Variants in MGAM observed in about 807,000 individuals in gnomAD.
The protein encoded by MGAM is alpha-1,4-glucosidase.
In MGAM, 253 loss-of-function variants were observed where a neutral mutation model predicts 358.8. That is an observed-to-expected ratio of 0.71 (90% CI 0.64 to 0.78). MGAM has a LOEUF of 0.78. Ranked by LOEUF, MGAM falls within the 30% of genes least tolerant of loss-of-function variation. MGAM has a pLI of 0.00. For missense variants in MGAM, 3,080 were observed against 3,432.6 expected, an observed-to-expected ratio of 0.90 and a Z score of 2.57; for synonymous variants, 1,105 against 1,227.1, an observed-to-expected ratio of 0.90 and a Z score of 2.08.
In MGAM at chr7:142,050,712, A is replaced by C; in HGVS notation, c.2653A>C (p.Asn885His). The C allele has an allele frequency of 6.2e-7, 1 of 1,613,590 alleles. No homozygotes were observed. Among genetic ancestry groups the C allele is most frequent in the Non-Finnish European group, 8.5e-7 (1 of 1,179,668 alleles). The change falls in exon 24 of 71, where the codon AAT becomes CAT. Residue 885 changes from asparagine to histidine, a missense_variant. Physicochemically the swap from Asn to His is moderately conservative, Grantham distance 68 (BLOSUM62 1). Coordinates refer to ENST00000475668, the MANE Select transcript of MGAM (RefSeq NM_001365693.1). ...TGTTTTGCAGAACCGCTTGGAGGTG[A>C]ATATTTCACAATCAACCTACAAGGA... ...FSVTQNRLEV[N>H]ISQSTYKDPN...
intron 7 of MGAM, among the ~76,000 whole-genome samples, chr7:142,023,234 G>A (rs1806626805): frequency 6.6e-6 from 1 of 151,298 alleles, no homozygotes; most frequent in Admixed American, 6.6e-5. Flanking sequence ...CCAAATTTTT[G>A]TATTTTTTTT....
In MGAM at chr7:142,088,996, G is replaced by GTATGTATGTATGTATATATCTATC. The variant is rs771119657; in HGVS notation, c.6810+2282_6810+2283insGTATGTATGTATATATCTATCTAT. On this transcript the variant is annotated intron_variant, in intron 57 of 70. Transcript: ENST00000475668. ...TGTATGTATGTATGTATGTATGTAT[G>GTATGTATGTATGTATATATCTATC]TATCTATCTATCTATCTATCTATCT... 4.2e-4 allele frequency among the ~76,000 whole-genome samples: 49 copies of GTATGTATGTATGTATATATCTATC among 118,046 alleles called. 3 individuals carry two copies. Among genetic ancestry groups the GTATGTATGTATGTATATATCTATC allele is most frequent in the African/African-American group, 1.4e-3 (48 of 34,592 alleles). 77.4% of individuals were successfully genotyped at this position (118,046 alleles called of 152,430 possible).
chr7:142,015,258 T>G (rs1259342876), intron 3 of MGAM, among the ~76,000 whole-genome samples: 4 of 152,140 alleles, frequency 2.6e-5, no homozygotes, highest in African/African-American at 4.8e-5. Flanking sequence ...TCCCGTTTGT[T>G]CATTCATGTG....
chr7:142,003,572 G>T (rs1554451390), intron 1 of MGAM, among the ~76,000 whole-genome samples: 2 of 152,002 alleles, frequency 1.3e-5, no homozygotes, highest in African/African-American at 4.8e-5. Flanking sequence ...AGGCTTAAAT[G>T]TAAGACCTGA....
At chr7:142,035,387 A>C (rs1807893863) in intron 16 of MGAM, among the ~76,000 whole-genome samples, 1 of 152,168 alleles carries the variant, frequency 6.6e-6, no homozygotes, top group African/African-American at 2.4e-5. Flanking sequence ...GTAAACAAAT[A>C]ATTGTGACAA....
chr7:142,103,302 T>C lies in MGAM; in HGVS notation c.8047T>C (p.Tyr2683His). 1 of 1,611,468 alleles carries C rather than the reference T, an allele frequency of 6.2e-7. No individual in the cohort carries two copies. Among genetic ancestry groups the C allele is most frequent in the Non-Finnish European group, 8.5e-7 (1 of 1,178,930 alleles). The change falls in exon 70 of 71, where the codon TAC (tyrosine) becomes CAC (histidine). Residue 2683 changes from tyrosine (Y) to histidine (H), a missense_variant. By Grantham distance (83) the Tyr-to-His change is moderately conservative (BLOSUM62 2). Transcript: ENST00000475668. ...TMQSHIIFNN[Y>H]ITGTNPLKLG... The stretch of plus-strand genomic sequence containing the variant: ...GCAAAGCCATATAATTTTCAACAAT[T>C]ACATCACTGGTACAAATCCTTTGAA...
intron 68 of MGAM, among the ~76,000 whole-genome samples, chr7:142,101,735 C>G (rs757647044): frequency 3.3e-5 from 5 of 151,434 alleles, no homozygotes; most frequent in African/African-American, 4.9e-5. Context: ...CAGAAACCCC[C>G]TCTCTACTAA....
At chr7:142,045,069 T>C (rs190062439) in intron 21 of MGAM, among the ~76,000 whole-genome samples, 4,421 of 35,638 alleles carry the variant, frequency 0.12, 1,319 homozygotes, top group Non-Finnish European at 0.17. Context: ...ATATTATATA[T>C]ACGTGTAATA....
chr7:142,078,662 C>T lies in MGAM; in HGVS notation c.5647-146C>T, dbSNP rs1256744068. On this transcript the variant is annotated intron_variant, in intron 48 of 70. Transcript: ENST00000475668. The stretch of plus-strand genomic sequence containing the variant: ...TAAAATAAATATTTTGCTTGGAGAC[C>T]AGGAAATTAAATTTATGTTATTGCC... 3.7e-6 allele frequency: 4 copies of T among 1,083,988 alleles called. No individual in the cohort carries two copies. In the Admixed American group the frequency reaches 8.5e-5, roughly 23 times the overall value. 67.1% of individuals were successfully genotyped at this position (1,083,988 alleles called of 1,614,324 possible). A position where few individuals can be genotyped will look rare whatever the true frequency, so the allele number is the denominator to read the frequency against.
chr7:142,027,858 T>C, intron 10 of MGAM, 123 bp downstream of exon 10: 1 of 1,155,578 alleles, frequency 8.7e-7, no homozygotes, highest in Non-Finnish European at 1.1e-6. Context: ...AAAGGAGTTT[T>C]AGATATTCAG....
chr7:142,026,793 A>T (rs1304110200), intron 8 of MGAM, among the ~76,000 whole-genome samples: 2 of 152,100 alleles, frequency 1.3e-5, no homozygotes, highest in African/African-American at 4.8e-5. Flanking sequence ...GTCCAAAATA[A>T]TTTTTTTATG....
At chr7:142,068,281 G>A (rs1334735765) in intron 42 of MGAM, among the ~76,000 whole-genome samples, 1 of 142,070 alleles carries the variant, frequency 7.0e-6, no homozygotes, top group Non-Finnish European at 1.6e-5. Flanking sequence ...ACAGGCATGA[G>A]CCATCGCGCC....
At chr7:142,079,884 A>G (rs150487716) in intron 49 of MGAM, among the ~76,000 whole-genome samples, 3,353 of 146,516 alleles carry the variant, frequency 0.023, 233 homozygotes, top group African/African-American at 0.077. Flanking sequence ...TACCCTCATC[A>G]TAGCACTAGC....
intron 1 of MGAM, among the ~76,000 whole-genome samples, chr7:141,998,845 A>G (rs1804496098): frequency 6.6e-6 from 1 of 152,146 alleles, no homozygotes; most frequent in Admixed American, 6.5e-5. Context: ...GTCTTCCACA[A>G]TGCTTGAACT....
chr7:142,081,561 G>A lies in MGAM; in HGVS notation c.6003-481G>A, dbSNP rs946444442. The stretch of plus-strand genomic sequence containing the variant: ...GTGGTTGGAGCAATGGAGGAAGTAA[G>A]CAGGTGAGTGCTGGGAGAGGAAGCT... On this transcript the variant is annotated intron_variant, in intron 50 of 70. Coordinates refer to ENST00000475668, the MANE Select transcript of MGAM (RefSeq NM_001365693.1). Among the ~76,000 whole-genome samples the A allele has an allele frequency of 1.3e-4, 19 of 146,118 alleles. 6 individuals are homozygous for A. The highest frequency in any genetic ancestry group is 4.4e-4 in the South Asian group (2 of 4,528).
Position 142,065,795 on chromosome 7 carries a change from C to A in MGAM, c.4734C>A (p.Tyr1578Ter). 1 of 1,556,396 alleles carries A rather than the reference C, an allele frequency of 6.4e-7. No individual in the cohort carries two copies. Among genetic ancestry groups the A allele is most frequent in the Non-Finnish European group, 8.8e-7 (1 of 1,132,736 alleles). Residue 1578 changes from tyrosine (Y) to a stop codon, truncating the protein, a stop_gained, in exon 40 of 71, where the codon TAC (tyrosine) becomes TAA (stop). Coordinates refer to ENST00000475668, the MANE Select transcript of MGAM (RefSeq NM_001365693.1). LOFTEE classifies it high-confidence loss of function. ...GCTGGATGCAGCTGGGGGCCTTTTA[C>A]CCCTTCTCAAGAAACCACAATACCA... is the stretch of plus-strand genomic sequence containing the variant. ...CVRWMQLGAF[Y>*]PFSRNHNTIG...
intron 2 of MGAM, among the ~76,000 whole-genome samples, chr7:141,990,325 T>C (rs943832156): frequency 1.3e-5 from 2 of 152,304 alleles, no homozygotes; most frequent in East Asian, 3.9e-4. Flanking sequence ...CCAAAGAACA[T>C]GCACCTGTGC....
At chr7:142,079,427 G>A (rs1406288674) in intron 49 of MGAM, among the ~76,000 whole-genome samples, 1 of 145,722 alleles carries the variant, frequency 6.9e-6, no homozygotes, top group Non-Finnish European at 1.6e-5. Flanking sequence ...TGATGACCGC[G>A]TTGGTATCTT....
At chr7:142,038,965 C>A (rs1388717297) in intron 19 of MGAM, among the ~76,000 whole-genome samples, 1 of 152,068 alleles carries the variant, frequency 6.6e-6, no homozygotes, top group Non-Finnish European at 1.5e-5. Flanking sequence ...GAAAGCTTTA[C>A]AAGAAGCATG....
Sources: gnomAD v4.1 joint callset for allele counts (sites outside exome capture counted in the v4.1 genomes callset) on GRCh38, gnomAD v4.1.1 for gene constraint, MANE v1.5 for transcripts, NCBI Gene and HGNC (gene_info 2026-07-23, HGNC 2026-07-21) for gene names.